Variants in ASPH observed in about 807,000 individuals in gnomAD.
ASPH encodes the protein aspartate beta-hydroxylase, also known as aspartyl/asparaginyl beta-hydroxylase.
Under a neutral mutation model 118.4 loss-of-function variants are expected in ASPH, and 100 were observed. The ratio of observed to expected loss-of-function variants is 0.84; its 90% confidence interval spans 0.72 to 1.00. ASPH has a LOEUF of 1.00. Among genes scored for constraint, ASPH ranks in the 50% least tolerant of loss-of-function variants. The pLI is 0.00. For synonymous variants in ASPH, 315 were observed against 325.6 expected (o/e 0.97, Z 0.35); for missense variants, 920 against 919.5 (o/e 1.00, Z -0.01).
Position 61,649,922 on chromosome 8 carries a change from C to T in ASPH, c.490+1128G>A, listed in dbSNP as rs530757870. 4.3e-4 allele frequency among the ~76,000 whole-genome samples: 66 copies of T among 152,254 alleles called. 1 individual carries two copies. The highest frequency in any genetic ancestry group is 1.2e-3 in the African/African-American group (50 of 41,550). On this transcript the variant is annotated intron_variant, in intron 5 of 24. Coordinates refer to ENST00000379454, the MANE Select transcript of ASPH (RefSeq NM_004318.4). Reference sequence around the variant, plus strand: ...CATGACTCTCCACCTACATATTCCACGTGCCAGCCATTCTGAACTACTTTC... The same window carrying T: ...CATGACTCTCCACCTACATATTCCATGTGCCAGCCATTCTGAACTACTTTC...
intron 3 of ASPH, among the ~76,000 whole-genome samples, chr8:61,670,960 CT>C (rs976510901): frequency 2.6e-5 from 4 of 152,160 alleles, no homozygotes; most frequent in Admixed American, 2.6e-4. Flanking sequence ...TTTAGAATGA[CT>C]GCTAACAAGG....
chr8:61,615,990 C>T (rs1365552049), intron 14 of ASPH, among the ~76,000 whole-genome samples: 2 of 152,142 alleles, frequency 1.3e-5, no homozygotes, highest in South Asian at 4.1e-4. Flanking sequence ...CAATTTGCTC[C>T]AATAGATTTT....
At chr8:61,686,477 G>A (rs971159497) in intron 1 of ASPH, among the ~76,000 whole-genome samples, 1 of 152,138 alleles carries the variant, frequency 6.6e-6, no homozygotes, top group African/African-American at 2.4e-5. Flanking sequence ...CTTCTGTGAG[G>A]TCAGGAAGCA....
intron 1 of ASPH, among the ~76,000 whole-genome samples, chr8:61,700,082 C>T (rs2151856641): frequency 6.6e-6 from 1 of 152,354 alleles, no homozygotes; most frequent in Non-Finnish European, 1.5e-5. Flanking sequence ...CTCCCAAGAG[C>T]AAGGGGGGAT....
chr8:61,638,187 C>T, intron 11 of ASPH, 135 bp downstream of exon 11: 2 of 1,234,898 alleles, frequency 1.6e-6, no homozygotes, highest in Non-Finnish European at 2.3e-6. Flanking sequence ...AATTTTGATA[C>T]TCAATTATTT....
At chr8:61,506,043 TCA>T (rs778070020) in intron 24 of ASPH, among the ~76,000 whole-genome samples, 2 of 152,196 alleles carry the variant, frequency 1.3e-5, no homozygotes, top group African/African-American at 4.8e-5. Context: ...GCAGCACTAT[TCA>T]CAACAGCTAG....
At chr8:61,617,022 T>A (rs1849269124) in intron 14 of ASPH, among the ~76,000 whole-genome samples, 1 of 152,182 alleles carries the variant, frequency 6.6e-6, no homozygotes, top group Admixed American at 6.5e-5. Context: ...CTTGTTAAGT[T>A]TGAAGTGATT....
intron 1 of ASPH, among the ~76,000 whole-genome samples, chr8:61,692,946 GGA>G (rs199992149): frequency 6.5e-5 from 4 of 61,104 alleles, no homozygotes; most frequent in African/African-American, 5.5e-5. Flanking sequence ...CCCACCAGAA[GGA>G]AAAAAAAAAA....
intron 13 of ASPH, chr8:61,624,724 A>C: frequency 3.0e-6 from 3 of 985,796 alleles, no homozygotes; most frequent in Non-Finnish European, 3.6e-6. Context: ...CCAGAGTTCT[A>C]CAAAAATCCA....
intron 14 of ASPH, among the ~76,000 whole-genome samples, chr8:61,590,475 G>A (rs1386202218): frequency 6.6e-6 from 1 of 152,040 alleles, no homozygotes; most frequent in Non-Finnish European, 1.5e-5. Context: ...CATAGCATCT[G>A]CCCCTGCCCT....
rs28667387 is a variant in ASPH, at chr8:61,669,669, T to G, written c.322+11299A>C. 5.5e-3 allele frequency among the ~76,000 whole-genome samples: 836 copies of G among 152,290 alleles called. 9 individuals carry two copies. Among genetic ancestry groups the G allele is most frequent in the African/African-American group, 0.019 (785 of 41,572 alleles). On this transcript the variant is annotated intron_variant, in intron 3 of 24. Transcript: ENST00000379454. ...AGTAGTATCTAAGGTGTAAAACACA[T>G]TAGCATAAAACATTAAAATATACTT... is the stretch of plus-strand genomic sequence containing the variant.
At chr8:61,540,671 G>C (rs189309826) in intron 21 of ASPH, among the ~76,000 whole-genome samples, 126 of 152,248 alleles carry the variant, frequency 8.3e-4, no homozygotes, top group African/African-American at 2.9e-3. Flanking sequence ...ATAATTTCAA[G>C]GGCATACAGA....
chr8:61,541,291 G>A (rs923007615), intron 21 of ASPH, among the ~76,000 whole-genome samples: 1 of 152,138 alleles, frequency 6.6e-6, no homozygotes, highest in African/African-American at 2.4e-5. Flanking sequence ...GTGAACCCGC[G>A]AGGCGGAGCT....
chr8:61,517,741 T>C, intron 23 of ASPH, 80 bp from the exon 24 acceptor site: 2 of 1,500,206 alleles, frequency 1.3e-6, no homozygotes, highest in Non-Finnish European at 1.8e-6. Context: ...CAGTACAAAA[T>C]TACTGTCAGT....
At chr8:61,526,262 C>A in intron 21 of ASPH, 150 bp from the exon 22 acceptor site, 4 of 1,116,686 alleles carry the variant, frequency 3.6e-6, no homozygotes, top group East Asian at 2.5e-5. Context: ...TCTGGGACTT[C>A]TTGTCACAGC....
intron 17 of ASPH, among the ~76,000 whole-genome samples, chr8:61,565,922 G>A (rs1415302976): frequency 6.6e-6 from 1 of 152,144 alleles, no homozygotes; most frequent in Non-Finnish European, 1.5e-5. Context: ...CTCTATAAAT[G>A]GGAAAACAAA....
chr8:61,705,451 A>G (rs1425292323), intron 1 of ASPH, among the ~76,000 whole-genome samples: 2 of 152,258 alleles, frequency 1.3e-5, no homozygotes, highest in African/African-American at 4.8e-5. Flanking sequence ...CTATTTGACA[A>G]TAAAAAGGAA....
intron 18 of ASPH, among the ~76,000 whole-genome samples, chr8:61,561,089 AGGGAGGGAGAG>A (rs1829707967): frequency 4.4e-5 from 2 of 45,670 alleles, no homozygotes; most frequent in African/African-American, 1.6e-4. Context: ...GGAGGGAGGG[AGGGAGGGAGAG>A]AGGGAGGGAG....
chr8:61,637,909 A>T, intron 12 of ASPH, 38 bp downstream of exon 12: 2 of 1,548,332 alleles, frequency 1.3e-6, no homozygotes, highest in Non-Finnish European at 1.8e-6. Flanking sequence ...CACAATTCTC[A>T]TATGGAAGGT....
Sources: gnomAD v4.1 joint callset for allele counts (sites outside exome capture counted in the v4.1 genomes callset) on GRCh38, gnomAD v4.1.1 for gene constraint, MANE v1.5 for transcripts, NCBI Gene and HGNC (gene_info 2026-07-23, HGNC 2026-07-21) for gene names.